ADGRB3: variants seen among roughly 807,000 people sequenced by gnomAD.
ADGRB3 encodes brain-specific angiogenesis inhibitor 3.
ADGRB3 carries 37 observed loss-of-function variants against 193.4 expected under a neutral mutation model. The ratio of observed to expected loss-of-function variants is 0.19; its 90% CI spans 0.15 to 0.25. ADGRB3 has a LOEUF of 0.25. Ranked by LOEUF, ADGRB3 falls within the 10% of genes least tolerant of loss-of-function variation. ADGRB3 has a pLI of 1.00. For synonymous variants in ADGRB3, 690 were observed against 644.2 expected (o/e 1.07, Z -1.08); for missense variants, 1,637 against 1,852.9 (o/e 0.88, Z 2.14).
At position 69,327,281 on chromosome 6, in the gene ADGRB3, G is replaced by T. The variant is rs148620261; in HGVS notation, c.2966-539G>T. On this transcript the variant is annotated intron_variant, in intron 21 of 31. Coordinates refer to ENST00000370598, the MANE Select transcript of ADGRB3 (RefSeq NM_001704.3). ...AGATGCTAGCTCAGAATTGGAGCAG[G>T]TATGTAGGTAATTGAACTCCCTGTT... Among the ~76,000 whole-genome samples the T allele has an allele frequency of 2.9e-4, 44 of 152,276 alleles. No individual in the cohort carries two copies. The East Asian group carries it at 6.8e-3, about 23-fold the overall frequency.
At chr6:69,301,618 A>C (rs907830750) in intron 20 of ADGRB3, among the ~76,000 whole-genome samples, 8 of 151,952 alleles carry the variant, frequency 5.3e-5, no homozygotes, top group African/African-American at 1.9e-4. Context: ...GGAGAATAAG[A>C]GAAAAGTTAT....
intron 3 of ADGRB3, among the ~76,000 whole-genome samples, chr6:68,746,504 A>G (rs1467591675): frequency 6.6e-6 from 1 of 152,118 alleles, no homozygotes; most frequent in Non-Finnish European, 1.5e-5. Context: ...CTACATCATA[A>G]TTAGAATCCT....
At chr6:69,265,659 C>G (rs897666645) in intron 20 of ADGRB3, among the ~76,000 whole-genome samples, 2 of 152,008 alleles carry the variant, frequency 1.3e-5, no homozygotes, top group African/African-American at 2.4e-5. Flanking sequence ...TACTTCTTCT[C>G]TATTGTAATA....
In ADGRB3 at chr6:68,716,539, T is replaced by C. The variant is rs552326011; in HGVS notation, c.757+77107T>C. On this transcript the variant is annotated intron_variant, in intron 3 of 31. Transcript: ENST00000370598. The stretch of plus-strand genomic sequence containing the variant: ...ATTTTTTTTTTTTTTCCTAGAGTTG[T>C]AGGGGAGCAACTCAGAGCAACCCAC... Among the ~76,000 whole-genome samples the C allele has an allele frequency of 2.6e-5, 4 of 151,216 alleles. No homozygotes were observed. The South Asian group carries it at 8.3e-4, about 31-fold the overall frequency.
chr6:69,370,646 C>T (rs1769688450), intron 29 of ADGRB3, among the ~76,000 whole-genome samples: 1 of 152,104 alleles, frequency 6.6e-6, no homozygotes, highest in African/African-American at 2.4e-5. Context: ...ATCTAGGTTC[C>T]TGTCTTTTGC....
intron 18 of ADGRB3, among the ~76,000 whole-genome samples, chr6:69,234,405 A>G (rs1766217297): frequency 6.6e-6 from 1 of 150,708 alleles, no homozygotes; most frequent in Non-Finnish European, 1.5e-5. Context: ...AATTATCTCC[A>G]CATATTTTGT....
chr6:69,238,453 G>T (rs1766317698), intron 19 of ADGRB3, among the ~76,000 whole-genome samples: 1 of 151,980 alleles, frequency 6.6e-6, no homozygotes, highest in Non-Finnish European at 1.5e-5. Context: ...CTTCATAAGG[G>T]TAAAATATGG....
At chr6:68,923,532 TTAA>T (rs1767102656) in intron 3 of ADGRB3, among the ~76,000 whole-genome samples, 1 of 152,086 alleles carries the variant, frequency 6.6e-6, no homozygotes, top group Admixed American at 6.5e-5. Context: ...TAATAATATA[TTAA>T]TAATGTACCA....
At chr6:69,338,325 A>T (rs1027966923) in intron 24 of ADGRB3, among the ~76,000 whole-genome samples, 4 of 152,198 alleles carry the variant, frequency 2.6e-5, no homozygotes, top group African/African-American at 9.6e-5. Context: ...TATTTCATCA[A>T]ATTTCATCAG....
At chr6:68,903,238 G>C (rs537533360) in intron 3 of ADGRB3, among the ~76,000 whole-genome samples, 4 of 151,962 alleles carry the variant, frequency 2.6e-5, no homozygotes, top group Non-Finnish European at 5.9e-5. Context: ...AAACATTTCA[G>C]GATATAAAAT....
chr6:68,841,150 A>T (rs1486645959), intron 3 of ADGRB3, among the ~76,000 whole-genome samples: 1 of 152,242 alleles, frequency 6.6e-6, no homozygotes, highest in Non-Finnish European at 1.5e-5. Context: ...ATACAATAAT[A>T]GCTGGAGATT....
intron 3 of ADGRB3, among the ~76,000 whole-genome samples, chr6:68,762,600 G>A (rs1350517264): frequency 6.6e-6 from 1 of 151,880 alleles, no homozygotes; most frequent in East Asian, 1.9e-4. Context: ...GTAAAAGAAA[G>A]TAAATTAAAA....
Position 69,168,015 on chromosome 6 carries a change from C to T in ADGRB3, c.2481-65275C>T, listed in dbSNP as rs548770796. On this transcript the variant is annotated intron_variant, in intron 17 of 31. Coordinates refer to ENST00000370598, the MANE Select transcript of ADGRB3 (RefSeq NM_001704.3). ...AAAATGAGAAACGATGTATGATCTC[C>T]TCATACTGGGAGATTATTTAAGTCT... 2.6e-5 allele frequency among the ~76,000 whole-genome samples: 4 copies of T among 152,252 alleles called. No individual in the cohort carries two copies. The East Asian group carries it at 7.7e-4, about 29-fold the overall frequency.
Position 68,783,154 on chromosome 6 carries a change from T to C in ADGRB3, c.757+143722T>C, listed in dbSNP as rs1405013179. On this transcript the variant is annotated intron_variant, in intron 3 of 31. Transcript: ENST00000370598. ...CTCTGAGTCCGGTTTGTTACTCCTATTTTACAGATGATAAAATTGAGACTT... is the reference window on the plus strand; with the variant it reads ...CTCTGAGTCCGGTTTGTTACTCCTACTTTACAGATGATAAAATTGAGACTT... Among the ~76,000 whole-genome samples, 6 of 151,462 alleles carry C rather than the reference T, an allele frequency of 4.0e-5. No individual in the cohort carries two copies. In the Admixed American group the frequency reaches 4.0e-4, roughly 10 times the overall value.
At chr6:68,899,090 A>G (rs1766321541) in intron 3 of ADGRB3, among the ~76,000 whole-genome samples, 2 of 152,288 alleles carry the variant, frequency 1.3e-5, no homozygotes, top group South Asian at 4.1e-4. Context: ...TAGTAATGTA[A>G]GATGTTAACA....
intron 3 of ADGRB3, among the ~76,000 whole-genome samples, chr6:68,927,295 C>G (rs1403430574): frequency 2.6e-5 from 4 of 152,000 alleles, no homozygotes; most frequent in African/African-American, 4.8e-5. Context: ...AATATATTAT[C>G]TTTGCCAACT....
At chr6:69,369,255 C>G (rs958701523) in intron 29 of ADGRB3, among the ~76,000 whole-genome samples, 3 of 152,202 alleles carry the variant, frequency 2.0e-5, no homozygotes, top group Admixed American at 1.3e-4. Flanking sequence ...ACATGCAAGT[C>G]AGTTAGGGTT....
chr6:68,749,023 A>G (rs1353601138), intron 3 of ADGRB3, among the ~76,000 whole-genome samples: 1 of 152,114 alleles, frequency 6.6e-6, no homozygotes, highest in Non-Finnish European at 1.5e-5. Flanking sequence ...AGAGGCTGGG[A>G]CACAGGGCAA....
intron 8 of ADGRB3, among the ~76,000 whole-genome samples, chr6:68,961,432 C>G (rs998133994): frequency 1.3e-5 from 2 of 152,098 alleles, no homozygotes; most frequent in Admixed American, 6.6e-5. Context: ...AGCTAATTAG[C>G]TAATATATAC....
Sources: gnomAD v4.1 joint callset for allele counts (sites outside exome capture counted in the v4.1 genomes callset) on GRCh38, gnomAD v4.1.1 for gene constraint, MANE v1.5 for transcripts, NCBI Gene and HGNC (gene_info 2026-07-23, HGNC 2026-07-21) for gene names.